Variants in AGT observed in about 807,000 individuals in gnomAD.
The protein encoded by AGT is angiotensinogen.
In AGT, 26 loss-of-function variants were observed where a neutral mutation model predicts 28.1. The ratio of observed to expected loss-of-function variants is 0.92; its 90% confidence interval spans 0.68 to 1.28. The LOEUF (loss-of-function observed/expected upper bound fraction) is 1.28, where lower values mean the gene tolerates loss of function less well. Ranked by LOEUF, AGT falls within the 50% of genes most tolerant of loss-of-function variation. AGT has a pLI of 0.00. For missense variants in AGT, 596 were observed against 592.3 expected (o/e 1.01, Z -0.06); for synonymous variants, 259 against 259.6 (o/e 1.00, Z 0.02).
chr1:230,744,950 G>C (rs1664318321), intron 1 of AGT, among the ~76,000 whole-genome samples: 1 of 152,132 alleles, frequency 6.6e-6, no homozygotes, highest in African/African-American at 2.4e-5. Context: ...GAAATGGATG[G>C]CCCTCACATT....
At chr1:230,718,722 CT>C (rs1228887131), upstream of AGT, among the ~76,000 whole-genome samples, 2,167 of 118,386 alleles carry the variant, frequency 0.018, 10 homozygotes, top group Non-Finnish European at 0.02. Context: ...TTCCACACCG[CT>C]TTTTTTTTTT....
chr1:230,726,030 C>T (rs147718606), intron 1 of AGT, among the ~76,000 whole-genome samples: 2 of 152,270 alleles, frequency 1.3e-5, no homozygotes, highest in Non-Finnish European at 2.9e-5. Flanking sequence ...ATGTCTGGGG[C>T]TGGTATTTCT....
chr1:230,735,563 T>C (rs1664140868), intron 1 of AGT, among the ~76,000 whole-genome samples: 1 of 152,158 alleles, frequency 6.6e-6, no homozygotes, highest in South Asian at 2.1e-4. Flanking sequence ...CCCCTGGTCT[T>C]AGCAGCTGGG....
At chr1:230,744,676 TA>T (rs1664309542) in intron 1 of AGT, among the ~76,000 whole-genome samples, 2 of 152,082 alleles carry the variant, frequency 1.3e-5, no homozygotes, top group African/African-American at 4.8e-5. Context: ...ACTAAGACTC[TA>T]AAGAAAAAGG....
chr1:230,708,002 G>A (rs1316372614), intron 2 of AGT, among the ~76,000 whole-genome samples: 1 of 152,182 alleles, frequency 6.6e-6, no homozygotes, highest in Non-Finnish European at 1.5e-5. Flanking sequence ...CTAGCTGCCT[G>A]CTGAGGTCAT....
chr1:230,740,267 A>T (rs1478050183), intron 1 of AGT, among the ~76,000 whole-genome samples: 2 of 152,112 alleles, frequency 1.3e-5, no homozygotes, highest in Admixed American at 1.3e-4. Context: ...TCTTGGTTTT[A>T]GTGGGTTTTG....
At chr1:230,725,247 T>C (rs1403137217) in intron 1 of AGT, among the ~76,000 whole-genome samples, 1 of 152,194 alleles carries the variant, frequency 6.6e-6, no homozygotes, top group Non-Finnish European at 1.5e-5. Flanking sequence ...AAAATACTGT[T>C]ATGTAAAATG....
intron 2 of AGT, 26 bp downstream of exon 2, chr1:230,709,969 A>C: frequency 1.2e-6 from 2 of 1,614,078 alleles, no homozygotes; most frequent in South Asian, 2.2e-5. Flanking sequence ...TCCTAGGGCC[A>C]GAGCCAGCAG....
intron 1 of AGT, among the ~76,000 whole-genome samples, chr1:230,730,559 T>C (rs1403792622): frequency 7.2e-5 from 11 of 152,298 alleles, no homozygotes; most frequent in Admixed American, 7.2e-4. Flanking sequence ...TGGTAACAGT[T>C]ACTGTCCGTC....
At chr1:230,725,940 CACA>C (rs1327045621) in intron 1 of AGT, among the ~76,000 whole-genome samples, 2 of 150,890 alleles carry the variant, frequency 1.3e-5, no homozygotes, top group Non-Finnish European at 2.9e-5. Flanking sequence ...GAGAAGTGCC[CACA>C]ACAACTGCTT....
rs1663543177 is a variant in AGT at position 230,710,377 on chromosome 1, T to C, written c.447A>G (p.Leu149=). 3.1e-6 allele frequency: 5 copies of C among 1,614,186 alleles called. No homozygotes were observed. In the East Asian group the frequency reaches 1.1e-4, roughly 36 times the overall value. The change falls in exon 2 of 5, where the codon CTA becomes CTG. Residue 149 remains leucine, a synonymous_variant. Transcript: ENST00000366667. ...TCCAAGGAACACCCAGGATTGCCTG[T>C]AGCCTGTCAGCTGTGTGGTCCAAGG... ...LGALDHTADR[L]QAILGVPWKD...
At chr1:230,725,201 T>G (rs1366895140) in intron 1 of AGT, among the ~76,000 whole-genome samples, 1 of 152,268 alleles carries the variant, frequency 6.6e-6, no homozygotes, top group East Asian at 1.9e-4. Flanking sequence ...AATACTTTTT[T>G]GATGAAAATT....
At chr1:230,717,253 T>C (rs1663756596), upstream of AGT, among the ~76,000 whole-genome samples, 1 of 151,998 alleles carries the variant, frequency 6.6e-6, no homozygotes, top group South Asian at 2.1e-4. Flanking sequence ...TGATCTCTCT[T>C]TCTTTTCCCT....
At position 230,710,835 on chromosome 1, in the gene AGT, G is replaced by A. The variant is rs762830258; in HGVS notation, c.-12C>T. 1 of 1,613,620 alleles carries A rather than the reference G, an allele frequency of 6.2e-7. No homozygotes were observed. ...CCGGCAGGAGCCATCTCAGACTGGG[G>A]TGCTCGCTTCCGCATACCCTGAAAT... On this transcript the variant is annotated 5_prime_UTR_variant, in exon 2 of 5. Coordinates refer to ENST00000366667, the MANE Select transcript of AGT (RefSeq NM_001384479.1).
intron 1 of AGT, among the ~76,000 whole-genome samples, chr1:230,722,148 G>A (rs182265158): frequency 1.4e-4 from 21 of 152,334 alleles, no homozygotes; most frequent in African/African-American, 4.8e-4. Flanking sequence ...TGGCTAAAAG[G>A]GGCCAAGGTA....
At chr1:230,736,559 A>G (rs1381338704) in intron 1 of AGT, among the ~76,000 whole-genome samples, 2 of 152,184 alleles carry the variant, frequency 1.3e-5, no homozygotes, top group African/African-American at 4.8e-5. Context: ...TTTCCGCAGT[A>G]TTCTTGCAAC....
At chr1:230,707,350 T>C (rs1448428210) in intron 2 of AGT, among the ~76,000 whole-genome samples, 1 of 152,212 alleles carries the variant, frequency 6.6e-6, no homozygotes, top group Admixed American at 6.5e-5. Context: ...TGTATAAGTT[T>C]GTCACAGAAC....
intron 1 of AGT, among the ~76,000 whole-genome samples, chr1:230,742,342 G>A (rs1328526237): frequency 6.6e-6 from 1 of 152,134 alleles, no homozygotes; most frequent in East Asian, 1.9e-4. Context: ...TTGAGACAGA[G>A]TCTCGCACTG....
rs1663537893 is a variant in AGT at position 230,710,242 on chromosome 1, C to T, written c.582G>A (p.Leu194=). Reference sequence around the variant, plus strand: ...ACACGCCCACCACCGTGGACAGCAGCAGCTGGGCCTGGCTATCAGCCCTGC... The same window carrying T: ...ACACGCCCACCACCGTGGACAGCAGTAGCTGGGCCTGGCTATCAGCCCTGC... ...AQGRADSQAQ[L]LLSTVVGVFT... The change falls in exon 2 of 5, where the codon CTG becomes CTA. Residue 194 remains leucine (L), a synonymous_variant. Coordinates refer to ENST00000366667, the MANE Select transcript of AGT (RefSeq NM_001384479.1). 6.2e-7 allele frequency: 1 copy of T among 1,613,562 alleles called. No individual in the cohort carries two copies. The highest frequency in any genetic ancestry group is 1.3e-5 in the African/African-American group (1 of 74,948).
Sources: gnomAD v4.1 joint callset for allele counts (sites outside exome capture counted in the v4.1 genomes callset) on GRCh38, gnomAD v4.1.1 for gene constraint, MANE v1.5 for transcripts, NCBI Gene and HGNC (gene_info 2026-07-23, HGNC 2026-07-21) for gene names.